Variants in CRACD observed in about 807,000 individuals in gnomAD.
CRACD encodes capping protein inhibiting regulator of actin dynamics, also known as capping protein-inhibiting regulator of actin dynamics.
CRACD carries 56 observed loss-of-function variants against 106.8 expected under a neutral mutation model. The ratio of observed to expected loss-of-function variants is 0.52; its 90% CI spans 0.42 to 0.66. The LOEUF is 0.66. CRACD is among the 30% of genes least tolerant of loss of function. The probability of loss-of-function intolerance (pLI) is 0.00; values close to 1 mark genes in which losing one functional copy is unlikely to be tolerated. For synonymous variants in CRACD, 754 were observed against 670.8 expected (o/e 1.12, Z -1.92); for missense variants, 1,730 against 1,623.2 (o/e 1.07, Z -1.13).
chr4:56,218,458 T>TTCCCCTCCCTTTCCA (rs1738842005), intron 2 of CRACD, among the ~76,000 whole-genome samples: 1 of 110,540 alleles, frequency 9.0e-6, no homozygotes. Flanking sequence ...CTCCCTTTCC[T>TTCCCCTCCCTTTCCA]TCCCCTGCCT....
chr4:56,213,970 C>T (rs1313283684), intron 2 of CRACD, among the ~76,000 whole-genome samples: 1 of 152,214 alleles, frequency 6.6e-6, no homozygotes, highest in Non-Finnish European at 1.5e-5. Flanking sequence ...CCTGAATGGT[C>T]TCATTCAGGG....
rs571391104 is a variant in CRACD, at chr4:56,278,471, T to C, written c.-17+5979T>C. Reference sequence around the variant, plus strand: ...ATAGCCACATGCAAAAGAATGAAATTGGACCCTTTTTTACATCATATACAA... The same window carrying C: ...ATAGCCACATGCAAAAGAATGAAATCGGACCCTTTTTTACATCATATACAA... On this transcript the variant is annotated intron_variant, in intron 3 of 10. Transcript: ENST00000682029. 3.5e-3 allele frequency among the ~76,000 whole-genome samples: 526 copies of C among 152,308 alleles called. 2 individuals carry two copies. The highest frequency in any genetic ancestry group is 0.011 in the African/African-American group (443 of 41,584).
intron 2 of CRACD, among the ~76,000 whole-genome samples, chr4:56,222,778 A>G (rs116096645): frequency 0.013 from 1,987 of 151,964 alleles, 17 homozygotes; most frequent in Non-Finnish European, 0.021. Context: ...CCCCATCTCT[A>G]CTGAAAAACA....
At chr4:56,266,266 G>T (rs11736988) in intron 2 of CRACD, among the ~76,000 whole-genome samples, 1 of 151,960 alleles carries the variant, frequency 6.6e-6, no homozygotes, top group Admixed American at 6.6e-5. Flanking sequence ...TATAAATTCA[G>T]TCTTACAGCT....
intron 1 of CRACD, among the ~76,000 whole-genome samples, chr4:56,103,325 G>A (rs1358194936): frequency 1.3e-5 from 2 of 152,200 alleles, no homozygotes; most frequent in African/African-American, 2.4e-5. Context: ...AAGAGGGCTG[G>A]GTGCAGTGGC....
intron 8 of CRACD, 49 bp downstream of exon 8, chr4:56,316,738 CA>C: frequency 6.8e-7 from 1 of 1,478,472 alleles, no homozygotes; most frequent in South Asian, 1.4e-5. Context: ...GTGTCAGAGC[CA>C]GGGCATCAAG....
intron 1 of CRACD, among the ~76,000 whole-genome samples, chr4:56,084,411 T>C (rs1418504140): frequency 6.6e-6 from 1 of 152,202 alleles, no homozygotes; most frequent in South Asian, 2.1e-4. Flanking sequence ...TATTTAAGAT[T>C]ATGTCTTAGT....
At chr4:56,065,021 C>T (rs1418003521) in intron 1 of CRACD, among the ~76,000 whole-genome samples, 2 of 151,280 alleles carry the variant, frequency 1.3e-5, no homozygotes, top group Non-Finnish European at 2.9e-5. Context: ...AGGAGAAAAG[C>T]CACGTGCAGC....
intron 1 of CRACD, among the ~76,000 whole-genome samples, chr4:56,078,628 C>T (rs1226420945): frequency 6.6e-6 from 1 of 152,156 alleles, no homozygotes; most frequent in Non-Finnish European, 1.5e-5. Flanking sequence ...GTTGCCCAGG[C>T]TGGTCTTGAA....
At chr4:56,281,735 G>A (rs1743049618) in intron 3 of CRACD, among the ~76,000 whole-genome samples, 2 of 152,156 alleles carry the variant, frequency 1.3e-5, no homozygotes, top group Admixed American at 1.3e-4. Flanking sequence ...CTCCACATGG[G>A]GAAACGTAGG....
chr4:56,207,397 G>GCTGC (rs1024584668), intron 2 of CRACD, among the ~76,000 whole-genome samples: 4 of 152,132 alleles, frequency 2.6e-5, no homozygotes, highest in Non-Finnish European at 5.9e-5. Context: ...CCTAACATGT[G>GCTGC]CTGCCTATCC....
chr4:56,113,380 G>C (rs1210249930), intron 1 of CRACD, among the ~76,000 whole-genome samples: 1 of 152,184 alleles, frequency 6.6e-6, no homozygotes, highest in African/African-American at 2.4e-5. Context: ...GATGTCTAAT[G>C]ATAGGCAGTA....
intron 2 of CRACD, among the ~76,000 whole-genome samples, chr4:56,237,513 G>C (rs1027811524): frequency 6.6e-6 from 1 of 152,074 alleles, no homozygotes; most frequent in East Asian, 1.9e-4. Context: ...AGTAAATGCA[G>C]CTTCATGCTA....
At chr4:56,191,152 A>G (rs1018210005) in intron 2 of CRACD, among the ~76,000 whole-genome samples, 31 of 152,044 alleles carry the variant, frequency 2.0e-4, no homozygotes, top group African/African-American at 7.0e-4. Flanking sequence ...TTCTATTGGC[A>G]CTGTAACAAA....
At chr4:56,153,338 C>A (rs1335201470) in intron 1 of CRACD, among the ~76,000 whole-genome samples, 1 of 152,220 alleles carries the variant, frequency 6.6e-6, no homozygotes, top group East Asian at 1.9e-4. Context: ...CTCTAGTCAT[C>A]TCCGTCTCAG....
chr4:56,241,412 G>T (rs537153064), intron 2 of CRACD, among the ~76,000 whole-genome samples: 1 of 151,956 alleles, frequency 6.6e-6, no homozygotes, highest in South Asian at 2.1e-4. Flanking sequence ...TAAAGTCACC[G>T]AGAGAATGAG....
chr4:56,196,586 AAAAGCAACAGCT>A (rs1737622377), intron 2 of CRACD, among the ~76,000 whole-genome samples: 1 of 152,210 alleles, frequency 6.6e-6, no homozygotes, highest in Admixed American at 6.5e-5. Flanking sequence ...AGATATAAGC[AAAAGCAACAGCT>A]AAAGCAGCTT....
chr4:56,167,955 G>A (rs1053526798), intron 1 of CRACD, among the ~76,000 whole-genome samples: 39 of 152,190 alleles, frequency 2.6e-4, no homozygotes, highest in African/African-American at 8.9e-4. Flanking sequence ...ATTACTTCTG[G>A]TTACCTTTGA....
At chr4:56,055,150 AT>A (rs2109778639) in intron 1 of CRACD, among the ~76,000 whole-genome samples, 1 of 152,258 alleles carries the variant, frequency 6.6e-6, no homozygotes, top group East Asian at 1.9e-4. Flanking sequence ...CTAAAAAGGC[AT>A]TTTGTTTTTA....
Sources: gnomAD v4.1 joint callset for allele counts (sites outside exome capture counted in the v4.1 genomes callset) on GRCh38, gnomAD v4.1.1 for gene constraint, MANE v1.5 for transcripts, NCBI Gene and HGNC (gene_info 2026-07-23, HGNC 2026-07-21) for gene names.